DYNC1I1: variants seen among roughly 807,000 people sequenced by gnomAD.
DYNC1I1 encodes the protein dynein cytoplasmic 1 intermediate chain 1, also known as cytoplasmic dynein 1 intermediate chain 1.
In DYNC1I1, 43 loss-of-function variants were observed where a neutral mutation model predicts 86.6. That is an observed-to-expected ratio of 0.50 (90% confidence interval 0.39 to 0.64). The LOEUF (loss-of-function observed/expected upper bound fraction) is 0.64, where lower values mean the gene tolerates loss of function less well. DYNC1I1 is among the 30% of genes least tolerant of loss of function. The probability of loss-of-function intolerance (pLI) is 0.00; values close to 1 mark genes in which losing one functional copy is unlikely to be tolerated. For missense variants in DYNC1I1, 604 were observed against 788.8 expected (o/e 0.77, Z 2.81); for synonymous variants, 262 against 283.7 (o/e 0.92, Z 0.77).
At chr7:96,079,091 T>C (rs983558816) in intron 15 of DYNC1I1, among the ~76,000 whole-genome samples, 66 of 152,146 alleles carry the variant, frequency 4.3e-4, no homozygotes, top group African/African-American at 1.5e-3. Flanking sequence ...AGAATTTTTA[T>C]TGATTTCAAG....
intron 7 of DYNC1I1, among the ~76,000 whole-genome samples, 161 bp downstream of exon 7, chr7:95,977,762 G>A (rs1793346465): frequency 6.6e-6 from 1 of 152,158 alleles, no homozygotes; most frequent in Non-Finnish European, 1.5e-5. Flanking sequence ...AACATAAACT[G>A]TAATCTCCAA....
intron 1 of DYNC1I1, among the ~76,000 whole-genome samples, chr7:95,798,791 A>G (rs1794507472): frequency 6.6e-6 from 1 of 152,158 alleles, no homozygotes; most frequent in African/African-American, 2.4e-5. Context: ...ACAGAACTAA[A>G]CCCTTTGCAT....
At chr7:95,908,069 AT>A (rs1369849411) in intron 6 of DYNC1I1, among the ~76,000 whole-genome samples, 2 of 152,104 alleles carry the variant, frequency 1.3e-5, no homozygotes, top group African/African-American at 4.8e-5. Flanking sequence ...GTGTTGGCAA[AT>A]TTAGTTAAGC....
intron 14 of DYNC1I1, among the ~76,000 whole-genome samples, chr7:96,062,541 C>G (rs775025405): frequency 6.6e-6 from 1 of 151,742 alleles, no homozygotes; most frequent in African/African-American, 2.4e-5. Context: ...ATAAGTTAGT[C>G]GCTTCGGCAA....
intron 10 of DYNC1I1, among the ~76,000 whole-genome samples, chr7:96,001,084 A>G (rs1794000091): frequency 6.6e-6 from 1 of 152,194 alleles, no homozygotes; most frequent in South Asian, 2.1e-4. Flanking sequence ...ATGTGCACAC[A>G]TGTTGTCAAC....
chr7:96,011,931 T>C (rs1794285900), intron 10 of DYNC1I1, among the ~76,000 whole-genome samples: 1 of 152,136 alleles, frequency 6.6e-6, no homozygotes, highest in Non-Finnish European at 1.5e-5. Flanking sequence ...CTGGTAGAAG[T>C]TTTCCCAAGT....
At chr7:96,065,337 T>C (rs1465505766) in intron 14 of DYNC1I1, among the ~76,000 whole-genome samples, 1 of 151,704 alleles carries the variant, frequency 6.6e-6, no homozygotes, top group Non-Finnish European at 1.5e-5. Context: ...TAGTCCTCCT[T>C]CTTCTCCATC....
intron 5 of DYNC1I1, among the ~76,000 whole-genome samples, chr7:95,837,360 G>A (rs944692939): frequency 1.2e-4 from 18 of 152,148 alleles, no homozygotes; most frequent in Admixed American, 3.9e-4. Flanking sequence ...AAGAACCACT[G>A]CTCTCTTCAA....
chr7:96,045,293 A>G (rs934306004), intron 14 of DYNC1I1, among the ~76,000 whole-genome samples: 1 of 152,188 alleles, frequency 6.6e-6, no homozygotes, highest in African/African-American at 2.4e-5. Flanking sequence ...TTTTTTAAAA[A>G]GTCAAGGATG....
intron 1 of DYNC1I1, among the ~76,000 whole-genome samples, chr7:95,781,460 T>C (rs1033110080): frequency 6.6e-6 from 1 of 152,178 alleles, no homozygotes; most frequent in South Asian, 2.1e-4. Flanking sequence ...TTAAAGTAGA[T>C]AGAAAAGTTG....
At chr7:95,955,397 G>T (rs990457063) in intron 6 of DYNC1I1, among the ~76,000 whole-genome samples, 1 of 151,874 alleles carries the variant, frequency 6.6e-6, no homozygotes, top group African/African-American at 2.4e-5. Flanking sequence ...GTCGTAGCTC[G>T]CTGCAGCCTT....
At chr7:96,062,735 A>G (rs970774693) in intron 14 of DYNC1I1, among the ~76,000 whole-genome samples, 1 of 152,130 alleles carries the variant, frequency 6.6e-6, no homozygotes, top group Non-Finnish European at 1.5e-5. Context: ...GACTCTCCCA[A>G]CTCACTCCCC....
chr7:96,032,849 T>G, intron 12 of DYNC1I1, 69 bp downstream of exon 12: 1 of 1,362,266 alleles, frequency 7.3e-7, no homozygotes, highest in Non-Finnish European at 1.0e-6. Flanking sequence ...TGGAACATAG[T>G]TCCTAAAAGC....
At chr7:96,006,243 G>T (rs893159243) in intron 10 of DYNC1I1, among the ~76,000 whole-genome samples, 2 of 152,156 alleles carry the variant, frequency 1.3e-5, no homozygotes, top group South Asian at 2.1e-4. Context: ...AAATGGGAAT[G>T]GATGATGACT....
rs139501133 is a variant in DYNC1I1 at position 95,984,966 on chromosome 7, G to A, written c.732G>A (p.Glu244=). The change falls in exon 8 of 17, where the codon GAG becomes GAA. Residue 244 remains glutamate, a synonymous_variant. Transcript: ENST00000447467. ...TTGACTACAGCGGCCGAGAGTTAGA[G>A]GAAAAAGATGGGTTAGTCTCTTGTG... is the stretch of plus-strand genomic sequence containing the variant. ...IFFDYSGREL[E]EKDGDVQAGA... The A allele has an allele frequency of 6.2e-7, 1 of 1,612,232 alleles. No individual in the cohort carries two copies. The highest frequency in any genetic ancestry group is 8.5e-7 in the Non-Finnish European group (1 of 1,179,328).
chr7:95,979,370 A>T (rs1793395049), intron 7 of DYNC1I1, among the ~76,000 whole-genome samples: 1 of 152,100 alleles, frequency 6.6e-6, no homozygotes, highest in Non-Finnish European at 1.5e-5. Flanking sequence ...TTTTTAAAAA[A>T]CTCAACAGGG....
At chr7:96,031,469 C>T (rs1794805478) in intron 11 of DYNC1I1, among the ~76,000 whole-genome samples, 1 of 152,032 alleles carries the variant, frequency 6.6e-6, no homozygotes, top group African/African-American at 2.4e-5. Context: ...TTTCTTTATC[C>T]CCATTAGTGG....
At chr7:96,035,436 AACCAGAGATC>A (rs369779629) in intron 12 of DYNC1I1, among the ~76,000 whole-genome samples, 173 bp from the exon 13 acceptor site, 43 of 152,326 alleles carry the variant, frequency 2.8e-4, no homozygotes, top group African/African-American at 1.0e-3. Context: ...GCCGGCTTGA[AACCAGAGATC>A]CACAGAAGCA....
intron 11 of DYNC1I1, among the ~76,000 whole-genome samples, chr7:96,031,834 G>T (rs1365442809): frequency 6.6e-6 from 1 of 152,126 alleles, no homozygotes; most frequent in Non-Finnish European, 1.5e-5. Context: ...ATTGCTGTAG[G>T]TTCTGCTCAT....
Sources: allele counts gnomAD v4.1 joint callset (sites outside exome capture counted in the v4.1 genomes callset), GRCh38; gene constraint gnomAD v4.1.1; transcripts MANE v1.5; gene names NCBI Gene and HGNC (gene_info 2026-07-23, HGNC 2026-07-21).